The following ADCY2 variants were observed in gnomAD, a reference collection of about 807,000 sequenced individuals.
ADCY2 encodes the protein adenylate cyclase 2, also known as adenylate cyclase type 2.
In ADCY2, 31 loss-of-function variants were observed where a neutral mutation model predicts 125.2. The observed-to-expected ratio is 0.25, with a 90% confidence interval of 0.19 to 0.33. The LOEUF (loss-of-function observed/expected upper bound fraction) is 0.33. ADCY2 is among the 10% of genes least tolerant of loss of function. The pLI, the probability that ADCY2 is intolerant of heterozygous loss-of-function variation, is 1.00. For missense variants in ADCY2, 904 were observed against 1,418.2 expected (o/e 0.64, Z 5.82); for synonymous variants, 512 against 548.4 (o/e 0.93, Z 0.93).
intron 4 of ADCY2, among the ~76,000 whole-genome samples, chr5:7,632,713 A>T (rs1026358682): frequency 2.0e-5 from 3 of 152,230 alleles, no homozygotes; most frequent in Non-Finnish European, 2.9e-5. Context: ...CTGGTTACTT[A>T]AATTCTCATG....
At chr5:7,598,479 A>G (rs1211332614) in intron 3 of ADCY2, among the ~76,000 whole-genome samples, 1 of 152,184 alleles carries the variant, frequency 6.6e-6, no homozygotes. Context: ...ATTGCAATGC[A>G]CATTTTTGTA....
chr5:7,464,888 A>C (rs2126445478), intron 2 of ADCY2, among the ~76,000 whole-genome samples: 1 of 152,318 alleles, frequency 6.6e-6, no homozygotes, highest in South Asian at 2.1e-4. Context: ...CATTGCTGAT[A>C]AAGACATACC....
intron 2 of ADCY2, among the ~76,000 whole-genome samples, chr5:7,452,170 C>T (rs891536764): frequency 6.6e-6 from 1 of 152,176 alleles, no homozygotes; most frequent in African/African-American, 2.4e-5. Context: ...GCCTCAGCCT[C>T]TCAAAGTGCT....
In ADCY2 at chr5:7,779,844, A is replaced by G. The variant is rs143044503; in HGVS notation, c.2385-4521A>G. ...AGGAGAGAATGCCCAGAAACCCCTT[A>G]GGGAAGATGAGCCATTTCCAAGCCA... On this transcript the variant is annotated intron_variant, in intron 18 of 24. Coordinates refer to ENST00000338316, the MANE Select transcript of ADCY2 (RefSeq NM_020546.3). 8.0e-3 allele frequency among the ~76,000 whole-genome samples: 1,212 copies of G among 152,314 alleles called. 20 individuals are homozygous for G. The highest frequency in any genetic ancestry group is 0.028 in the African/African-American group (1,166 of 41,552).
chr5:7,501,658 C>CACCCCCCCCCCA (rs1554014577), intron 2 of ADCY2, among the ~76,000 whole-genome samples: 1 of 115,546 alleles, frequency 8.7e-6, no homozygotes, highest in Non-Finnish European at 1.9e-5. Context: ...CCCCCCCCCC[C>CACCCCCCCCCCA]GCCAGTAACT....
intron 18 of ADCY2, among the ~76,000 whole-genome samples, chr5:7,784,029 G>C (rs1004604027): frequency 1.1e-4 from 17 of 152,174 alleles, no homozygotes; most frequent in African/African-American, 3.6e-4. Flanking sequence ...CGAGAGTAAT[G>C]ATGAAAACAT....
At chr5:7,807,696 T>C (rs1744796815) in intron 22 of ADCY2, among the ~76,000 whole-genome samples, 1 of 152,176 alleles carries the variant, frequency 6.6e-6, no homozygotes, top group East Asian at 1.9e-4. Flanking sequence ...CAGACTTGGA[T>C]CACTTCCAGC....
intron 24 of ADCY2, among the ~76,000 whole-genome samples, chr5:7,823,263 G>T (rs992887422): frequency 6.6e-6 from 1 of 152,212 alleles, no homozygotes; most frequent in African/African-American, 2.4e-5. Context: ...GGGAGGTGGG[G>T]AGGAAATATT....
At chr5:7,501,141 A>T (rs1434210868) in intron 2 of ADCY2, among the ~76,000 whole-genome samples, 4 of 151,714 alleles carry the variant, frequency 2.6e-5, no homozygotes, top group Non-Finnish European at 1.5e-5. Flanking sequence ...TAAAAAAAAA[A>T]AAAAAGGTCT....
intron 2 of ADCY2, among the ~76,000 whole-genome samples, chr5:7,493,547 A>G (rs1452152811): frequency 2.0e-5 from 3 of 152,188 alleles, no homozygotes; most frequent in Admixed American, 6.5e-5. Flanking sequence ...TAAGGCTGGA[A>G]ACGACGATGT....
intron 4 of ADCY2, among the ~76,000 whole-genome samples, chr5:7,643,217 T>C (rs1248126689): frequency 2.0e-5 from 3 of 152,048 alleles, no homozygotes; most frequent in Non-Finnish European, 2.9e-5. Context: ...ATAATTTAAA[T>C]GTCTATTCTA....
chr5:7,402,992 T>C (rs1739322549), intron 1 of ADCY2, among the ~76,000 whole-genome samples: 1 of 152,162 alleles, frequency 6.6e-6, no homozygotes, highest in African/African-American at 2.4e-5. Flanking sequence ...TTTCTACCCA[T>C]TTATATCAAT....
intron 23 of ADCY2, among the ~76,000 whole-genome samples, chr5:7,818,853 A>T (rs955718599): frequency 6.6e-6 from 1 of 152,226 alleles, no homozygotes; most frequent in African/African-American, 2.4e-5. Context: ...AAAATAAAAA[A>T]AAATGTATTA....
At position 7,629,198 on chromosome 5, in the gene ADCY2, T is replaced by C. The variant is rs564284526; in HGVS notation, c.720+2882T>C. Among the ~76,000 whole-genome samples the C allele has an allele frequency of 7.9e-5, 12 of 152,342 alleles. No individual in the cohort carries two copies. The South Asian group carries it at 2.5e-3, about 32-fold the overall frequency. On this transcript the variant is annotated intron_variant, in intron 4 of 24. Transcript: ENST00000338316. ...AGAGAGAGCTGGTGCTCCCAGAGGT[T>C]GAGAGGCGGCCACCTTGGGAGTTCC... is the stretch of plus-strand genomic sequence containing the variant.
At chr5:7,479,882 CATA>C (rs1273699179) in intron 2 of ADCY2, among the ~76,000 whole-genome samples, 1 of 151,944 alleles carries the variant, frequency 6.6e-6, no homozygotes, top group African/African-American at 2.4e-5. Flanking sequence ...TTTCATGTAA[CATA>C]ATAATGACCA....
intron 3 of ADCY2, among the ~76,000 whole-genome samples, chr5:7,607,859 G>A (rs1737433669): frequency 6.6e-6 from 1 of 151,888 alleles, no homozygotes; most frequent in Admixed American, 6.5e-5. Flanking sequence ...GGCTAGTGGA[G>A]TCATAAATAA....
intron 20 of ADCY2, among the ~76,000 whole-genome samples, chr5:7,790,820 CG>C (rs1744228963): frequency 6.6e-6 from 1 of 151,516 alleles, no homozygotes; most frequent in Non-Finnish European, 1.5e-5. Flanking sequence ...AAAAGAGAAA[CG>C]GGGTAGACAA....
At chr5:7,807,536 G>C (rs1744792500) in intron 22 of ADCY2, among the ~76,000 whole-genome samples, 1 of 152,052 alleles carries the variant, frequency 6.6e-6, no homozygotes, top group African/African-American at 2.4e-5. Flanking sequence ...CCATTGTCTG[G>C]CCCCAGCCTG....
intron 4 of ADCY2, among the ~76,000 whole-genome samples, chr5:7,658,639 A>G (rs1365656858): frequency 6.6e-6 from 1 of 152,158 alleles, no homozygotes; most frequent in Non-Finnish European, 1.5e-5. Flanking sequence ...AGGAAGCAGA[A>G]GGATTAAATT....
Sources: gnomAD v4.1 joint callset for allele counts (sites outside exome capture counted in the v4.1 genomes callset) on GRCh38, gnomAD v4.1.1 for gene constraint, MANE v1.5 for transcripts, NCBI Gene and HGNC (gene_info 2026-07-23, HGNC 2026-07-21) for gene names.